RRAGC: variants seen among roughly 807,000 people sequenced by gnomAD.
The protein encoded by RRAGC is Ras related GTP binding C.
RRAGC carries 8 observed loss-of-function variants against 37.1 expected under a neutral mutation model. The ratio of observed to expected loss-of-function variants is 0.22; its 90% CI spans 0.13 to 0.39. RRAGC has a LOEUF of 0.39. RRAGC is among the 10% of genes least tolerant of loss of function. The probability of loss-of-function intolerance (pLI) is 1.00; values close to 1 mark genes in which losing one functional copy is unlikely to be tolerated. For synonymous variants in RRAGC, 190 were observed against 181.1 expected, an observed-to-expected ratio of 1.05 and a Z score of -0.39; for missense variants, 342 against 497.6, an observed-to-expected ratio of 0.69 and a Z score of 2.98.
In RRAGC at chr1:38,851,482, A is replaced by C. The variant is rs191578481; in HGVS notation, c.899+133T>G. ...CCAGAGAAATCATGCTCCAAGTTAA[A>C]GCACTATGGTCAGAACAATCCCAGT... On this transcript the variant is annotated intron_variant, in intron 5 of 6. Transcript: ENST00000373001. 3.1e-4 allele frequency: 218 copies of C among 702,338 alleles called. No homozygotes were observed. In the African/African-American group the frequency reaches 3.7e-3, roughly 12 times the overall value. 43.5% of individuals were successfully genotyped at this position (702,338 alleles called of 1,614,324 possible). A position where few individuals can be genotyped will look rare whatever the true frequency, so the allele number is the denominator to read the frequency against.
At chr1:38,850,678 T>C (rs1367618305) in intron 5 of RRAGC, among the ~76,000 whole-genome samples, 1 of 151,538 alleles carries the variant, frequency 6.6e-6, no homozygotes, top group Non-Finnish European at 1.5e-5. Context: ...GAGTCAGAGG[T>C]GAAAGAGATA....
chr1:38,849,541 A>G (rs1642069944), intron 5 of RRAGC, among the ~76,000 whole-genome samples: 1 of 151,470 alleles, frequency 6.6e-6, no homozygotes, highest in Admixed American at 6.6e-5. Flanking sequence ...ATACAAAATC[A>G]GCCAGGCGTG....
intron 6 of RRAGC, among the ~76,000 whole-genome samples, chr1:38,842,820 G>C (rs1380489541): frequency 6.6e-6 from 1 of 152,166 alleles, no homozygotes; most frequent in East Asian, 1.9e-4. Flanking sequence ...CTATATGGCA[G>C]CGAAAAGGAA....
intron 6 of RRAGC, among the ~76,000 whole-genome samples, chr1:38,842,932 T>C (rs1284445025): frequency 6.6e-6 from 1 of 152,206 alleles, no homozygotes; most frequent in East Asian, 1.9e-4. Context: ...TTTATATCAT[T>C]TATACAATAC....
In RRAGC at chr1:38,839,644, C is replaced by G; in HGVS notation, c.1109G>C (p.Gly370Ala). Residue 370 changes from glycine to alanine, a missense_variant, in exon 7 of 7, where the codon GGT becomes GCT. Around this residue, in one of 3 missense-constraint regions of RRAGC, gnomAD observed 104 missense variants for 127.0 expected, o/e 0.82. Transcript: ENST00000373001. ...RKAIHEVFEV[G>A]VTSHRSCGHQ... ...ACCACAGCTCCTGTGAGAAGTCACA[C>G]CCACCTCAAAAACCTCATGAATAGC... 1 of 1,614,108 alleles carries G rather than the reference C, an allele frequency of 6.2e-7. No individual in the cohort carries two copies. Among genetic ancestry groups the G allele is most frequent in the South Asian group, 1.1e-5 (1 of 91,072 alleles).
intron 5 of RRAGC, 69 bp downstream of exon 5, chr1:38,851,546 C>G: frequency 7.2e-7 from 1 of 1,382,988 alleles, no homozygotes; most frequent in Non-Finnish European, 9.6e-7. Flanking sequence ...AGAAATTAGT[C>G]TTCTGAACAA....
intron 1 of RRAGC, among the ~76,000 whole-genome samples, chr1:38,857,449 C>T (rs180678694): frequency 2.8e-4 from 42 of 152,286 alleles, no homozygotes; most frequent in Admixed American, 2.1e-3. Flanking sequence ...CTTAAGAAGT[C>T]TGGTTTATTC....
At position 38,851,600 on chromosome 1, in the gene RRAGC, A is replaced by C; in HGVS notation, c.899+15T>G. The C allele has an allele frequency of 6.7e-7, 1 of 1,484,968 alleles. No homozygotes were observed. The highest frequency in any genetic ancestry group is 8.9e-7 in the Non-Finnish European group (1 of 1,122,220). The allele number at this position is 1,484,968 out of a possible 1,614,324, so 92.0% of individuals were successfully genotyped here. ...CGCCTGTCTGAGATATTGCAGGAAT[A>C]TATACATAACTTACCCATATATACA... On this transcript the variant is annotated intron_variant, in intron 5 of 6. Coordinates refer to ENST00000373001, the MANE Select transcript of RRAGC (RefSeq NM_022157.4).
intron 6 of RRAGC, among the ~76,000 whole-genome samples, chr1:38,841,864 C>T (rs1233448849): frequency 6.6e-6 from 1 of 152,100 alleles, no homozygotes; most frequent in East Asian, 1.9e-4. Context: ...AGGCTGGGCG[C>T]GGTGGCTCAC....
chr1:38,859,594 G>A lies in RRAGC; in HGVS notation c.53C>T (p.Ala18Val). 2 of 1,566,338 alleles carry A rather than the reference G, an allele frequency of 1.3e-6. No homozygotes were observed. The highest frequency in any genetic ancestry group is 2.3e-5 in the East Asian group (1 of 42,822). ...EETPLAGSYG[A>V]ADSFPKDFGY... Reference sequence around the variant, plus strand: ...GAAGTCCTTTGGAAACGAATCGGCCGCGCCGTAACTGCCGGCGAGGGGCGT... The same window carrying A: ...GAAGTCCTTTGGAAACGAATCGGCCACGCCGTAACTGCCGGCGAGGGGCGT... The change falls in exon 1 of 7, where the codon GCG becomes GTG. Residue 18 changes from alanine to valine, a missense_variant. Around this residue, in one of 3 missense-constraint regions of RRAGC, gnomAD observed 104 missense variants for 93.4 expected, o/e 1.11. Transcript: ENST00000373001.
At position 38,856,862 on chromosome 1, in the gene RRAGC, A is replaced by C; in HGVS notation, c.441+17T>G. The C allele has an allele frequency of 1.2e-6, 2 of 1,610,704 alleles. No individual in the cohort carries two copies. Among genetic ancestry groups the C allele is most frequent in the Non-Finnish European group, 1.7e-6 (2 of 1,177,056 alleles). ...TTTTTCCCACCAGGAAAGAGGAGTA[A>C]ACACATTACTGACTACCTGTGCGTC... On this transcript the variant is annotated intron_variant, in intron 2 of 6. Transcript: ENST00000373001.
At chr1:38,849,506 T>G (rs1052661361) in intron 5 of RRAGC, among the ~76,000 whole-genome samples, 1 of 152,028 alleles carries the variant, frequency 6.6e-6, no homozygotes, top group African/African-American at 2.4e-5. Flanking sequence ...CTGGCCAACA[T>G]GGTAAAACCC....
rs1360965407 is a variant in RRAGC at position 38,856,814 on chromosome 1, C to T, written c.441+65G>A. ...GCAACCACATGACAAAGAAGATAAACAACTTTCCTTTGTTTCTACATCTTT... is the reference window on the plus strand; with the variant it reads ...GCAACCACATGACAAAGAAGATAAATAACTTTCCTTTGTTTCTACATCTTT... On this transcript the variant is annotated intron_variant, in intron 2 of 6. Coordinates refer to ENST00000373001, the MANE Select transcript of RRAGC (RefSeq NM_022157.4). 3.4e-6 allele frequency: 5 copies of T among 1,486,764 alleles called. No homozygotes were observed. The East Asian group carries it at 9.1e-5, about 27-fold the overall frequency. 92.1% of individuals were successfully genotyped at this position (1,486,764 alleles called of 1,614,324 possible). A position where few individuals can be genotyped will look rare whatever the true frequency, so the allele number is the denominator to read the frequency against.
At position 38,855,631 on chromosome 1, in the gene RRAGC, T is replaced by C. The variant is rs1557588310; in HGVS notation, c.641+77A>G. ...AGGGCACACAGGTAGCAGAAAGCTA[T>C]GGTGTTTGTAATGACAGAGATGGGA... On this transcript the variant is annotated intron_variant, in intron 3 of 6. Transcript: ENST00000373001. The C allele has an allele frequency of 4.4e-6, 5 of 1,139,078 alleles. No homozygotes were observed. The Admixed American group carries it at 7.0e-5, about 16-fold the overall frequency. The allele number at this position is 1,139,078 out of a possible 1,614,324, so 70.6% of individuals were successfully genotyped here.
In RRAGC at chr1:38,859,725, C is replaced by T. The variant is rs1050860578; in HGVS notation, c.-79G>A. 3.9e-4 allele frequency: 441 copies of T among 1,142,796 alleles called. No individual in the cohort carries two copies. The highest frequency in any genetic ancestry group is 1.8e-3 in the Admixed American group (41 of 22,748). 70.8% of individuals were successfully genotyped at this position (1,142,796 alleles called of 1,614,324 possible). A position where few individuals can be genotyped will look rare whatever the true frequency, so the allele number is the denominator to read the frequency against. On this transcript the variant is annotated 5_prime_UTR_variant, in exon 1 of 7. Coordinates refer to ENST00000373001, the MANE Select transcript of RRAGC (RefSeq NM_022157.4). ...GGCCGCCGCCTCCCCAGTCCGCCTC[C>T]GCCGCCGCCGCCACCACCGCCACCG...
At position 38,846,002 on chromosome 1, in the gene RRAGC, TTAAA is replaced by T; in HGVS notation, c.981_984del (p.Tyr327Ter). ...AGTGCCAAAAATTTAGTCACCTCCT[TTAAA>T]TAAAGGACAGTTGTATTATTCAGCT... is the stretch of plus-strand genomic sequence containing the variant. On this transcript the variant is annotated frameshift_variant, in exon 6 of 7. Transcript: ENST00000373001. LOFTEE classifies it high-confidence loss of function. 6.2e-7 allele frequency: 1 copy of T among 1,613,008 alleles called. No homozygotes were observed. The highest frequency in any genetic ancestry group is 8.5e-7 in the Non-Finnish European group (1 of 1,179,220).
intron 5 of RRAGC, 161 bp from the exon 6 acceptor site, chr1:38,846,248 A>C: frequency 1.7e-6 from 1 of 588,374 alleles, no homozygotes; most frequent in Non-Finnish European, 2.9e-6. Flanking sequence ...AGTGTTCCTA[A>C]ACACAGAATT....
intron 6 of RRAGC, among the ~76,000 whole-genome samples, chr1:38,841,888 G>A (rs905610951): frequency 1.3e-5 from 2 of 152,192 alleles, no homozygotes; most frequent in Admixed American, 1.3e-4. Flanking sequence ...TATAATCCCA[G>A]CGCTTTGGGA....
intron 2 of RRAGC, among the ~76,000 whole-genome samples, chr1:38,856,516 T>C (rs1283343461): frequency 2.0e-5 from 3 of 152,220 alleles, no homozygotes. Flanking sequence ...CACTCTAATA[T>C]CTACTGACTC....
Sources: gnomAD v4.1 joint callset for allele counts (sites outside exome capture counted in the v4.1 genomes callset) on GRCh38, gnomAD v4.1.1 for gene constraint, gnomAD v4.1.1 regional missense constraint, MANE v1.5 for transcripts, NCBI Gene and HGNC (gene_info 2026-07-23, HGNC 2026-07-21) for gene names.